MAGI1: variants seen among roughly 807,000 people sequenced by gnomAD.
The protein encoded by MAGI1 is membrane associated guanylate kinase, WW and PDZ domain containing 1, also known as membrane-associated guanylate kinase, WW and PDZ domain-containing protein 1.
A neutral mutation model predicts 139.9 loss-of-function variants in MAGI1; 58 were observed. That is an observed-to-expected ratio of 0.41 (90% CI 0.34 to 0.52). The LOEUF (loss-of-function observed/expected upper bound fraction) is 0.52, where lower values mean the gene tolerates loss of function less well. Ranked by LOEUF, MAGI1 falls within the 20% of genes least tolerant of loss-of-function variation. The pLI is 0.12. For synonymous variants in MAGI1, 812 were observed against 737.9 expected (o/e 1.10, Z -1.63); for missense variants, 1,874 against 1,901.6 (o/e 0.99, Z 0.27).
At chr3:65,863,086 C>T (rs181099772) in intron 1 of MAGI1, among the ~76,000 whole-genome samples, 49 of 152,298 alleles carry the variant, frequency 3.2e-4, no homozygotes, top group Non-Finnish European at 8.8e-5. Context: ...AATAAACCTT[C>T]CCAATCCTCA....
chr3:65,383,676 A>G (rs955605831), intron 14 of MAGI1, 53 bp from the exon 15 acceptor site: 1 of 1,073,104 alleles, frequency 9.3e-7, no homozygotes. Flanking sequence ...AAAAGCAATG[A>G]TACCCCCAAG....
In MAGI1 at chr3:65,920,463, A is replaced by G. The variant is rs988824511; in HGVS notation, c.313+117533T>C. Among the ~76,000 whole-genome samples, 73 of 152,222 alleles carry G rather than the reference A, an allele frequency of 4.8e-4. 1 individual carries two copies. The highest frequency in any genetic ancestry group is 1.0e-4 in the Non-Finnish European group (7 of 68,032). On this transcript the variant is annotated intron_variant, in intron 1 of 22. Coordinates refer to ENST00000402939, the MANE Select transcript of MAGI1 (RefSeq NM_001033057.2). ...ATCCTGAACCATCTCTTTTTAAGGTATAATACATGTGTCAGGTGAAAACCT... is the reference window on the plus strand; with the variant it reads ...ATCCTGAACCATCTCTTTTTAAGGTGTAATACATGTGTCAGGTGAAAACCT...
intron 1 of MAGI1, among the ~76,000 whole-genome samples, chr3:65,811,299 C>T (rs1272790680): frequency 6.6e-6 from 1 of 152,186 alleles, no homozygotes; most frequent in Admixed American, 6.5e-5. Context: ...CACTGACATT[C>T]CCCGGTAAGA....
At chr3:65,519,005 G>C (rs1369180782) in intron 2 of MAGI1, among the ~76,000 whole-genome samples, 2 of 152,082 alleles carry the variant, frequency 1.3e-5, no homozygotes, top group African/African-American at 4.8e-5. Context: ...AGGACTAAAG[G>C]AAATGAGAGC....
intron 1 of MAGI1, among the ~76,000 whole-genome samples, chr3:65,848,840 A>T (rs932630484): frequency 2.0e-5 from 3 of 151,752 alleles, no homozygotes; most frequent in East Asian, 3.9e-4. Flanking sequence ...CAGATCACCA[A>T]ATGTTTCCAG....
At chr3:65,773,893 A>G (rs527794781) in intron 1 of MAGI1, among the ~76,000 whole-genome samples, 4 of 152,300 alleles carry the variant, frequency 2.6e-5, no homozygotes, top group Admixed American at 2.6e-4. Flanking sequence ...CTTTTAATAC[A>G]AGTTACTTGT....
chr3:65,954,372 G>C (rs942046625), intron 1 of MAGI1: 2 of 152,544 alleles, frequency 1.3e-5, no homozygotes, highest in Non-Finnish European at 2.9e-5. Context: ...GGGTTGCTCT[G>C]AAAGAAAGCC....
intron 1 of MAGI1, among the ~76,000 whole-genome samples, chr3:65,846,048 T>C (rs2058982175): frequency 6.6e-6 from 1 of 152,174 alleles, no homozygotes; most frequent in East Asian, 1.9e-4. Context: ...ACAATGCCAC[T>C]TGTTACTTGG....
At chr3:65,485,347 C>T (rs1459906348) in intron 3 of MAGI1, among the ~76,000 whole-genome samples, 1 of 152,202 alleles carries the variant, frequency 6.6e-6, no homozygotes, top group East Asian at 1.9e-4. Flanking sequence ...GCAGTTTGTT[C>T]TTGCCAGTGC....
intron 14 of MAGI1, 26 bp from the exon 15 acceptor site, chr3:65,383,649 A>G (rs1198944295): frequency 7.1e-7 from 1 of 1,417,626 alleles, no homozygotes; most frequent in Admixed American, 1.7e-5. Flanking sequence ...AAAAAAGAGA[A>G]GGATTATTTT....
chr3:65,379,578 A>G, intron 16 of MAGI1, 24 bp from the exon 17 acceptor site: 1 of 1,589,270 alleles, frequency 6.3e-7, no homozygotes, highest in Non-Finnish European at 8.6e-7. Context: ...ATGCACGCGT[A>G]CATCACCGTG....
intron 12 of MAGI1, among the ~76,000 whole-genome samples, chr3:65,424,272 G>T (rs34814136): frequency 0.051 from 7,724 of 152,106 alleles, 266 homozygotes; most frequent in South Asian, 0.12. Context: ...CATTTTTCTA[G>T]AGTTACAAAG....
chr3:65,767,351 T>A (rs2037571457), intron 1 of MAGI1, among the ~76,000 whole-genome samples: 1 of 152,082 alleles, frequency 6.6e-6, no homozygotes, highest in Non-Finnish European at 1.5e-5. Flanking sequence ...ATGCCTGTAA[T>A]CCCAGCACTT....
At chr3:65,589,679 C>G (rs1362805384) in intron 2 of MAGI1, among the ~76,000 whole-genome samples, 1 of 151,638 alleles carries the variant, frequency 6.6e-6, no homozygotes, top group African/African-American at 2.4e-5. Context: ...CTACTCAACA[C>G]TCCCAATGTG....
intron 1 of MAGI1, among the ~76,000 whole-genome samples, chr3:65,797,186 T>C (rs2040200929): frequency 1.3e-5 from 2 of 152,188 alleles, no homozygotes; most frequent in South Asian, 2.1e-4. Flanking sequence ...GTCCAATTAG[T>C]GCAGACAATG....
chr3:65,979,952 T>C (rs1411105580), intron 1 of MAGI1, among the ~76,000 whole-genome samples: 1 of 152,152 alleles, frequency 6.6e-6, no homozygotes, highest in African/African-American at 2.4e-5. Flanking sequence ...AACTGGCCTC[T>C]AGAGTGGGTC....
At chr3:65,417,559 A>C (rs1010592564) in intron 12 of MAGI1, among the ~76,000 whole-genome samples, 8 of 152,132 alleles carry the variant, frequency 5.3e-5, no homozygotes, top group African/African-American at 1.9e-4. Flanking sequence ...AAAGAAAAGA[A>C]AAGTTGCCAG....
intron 1 of MAGI1, among the ~76,000 whole-genome samples, chr3:65,835,976 C>A (rs1002468490): frequency 6.6e-6 from 1 of 152,088 alleles, no homozygotes; most frequent in Non-Finnish European, 1.5e-5. Context: ...CTGAAGTCCA[C>A]ATCACTGCAG....
chr3:65,387,320 T>A, intron 14 of MAGI1: 1 of 873,704 alleles, frequency 1.1e-6, no homozygotes, highest in Non-Finnish European at 1.9e-6. Flanking sequence ...GAACAGTCAG[T>A]TCAGCTTTCA....
Sources: gnomAD v4.1 joint callset for allele counts (sites outside exome capture counted in the v4.1 genomes callset) on GRCh38, gnomAD v4.1.1 for gene constraint, MANE v1.5 for transcripts, NCBI Gene and HGNC (gene_info 2026-07-23, HGNC 2026-07-21) for gene names.